The following PPP4R3A variants were observed in gnomAD, a reference collection of about 807,000 sequenced individuals.
The protein encoded by PPP4R3A is protein phosphatase 4 regulatory subunit 3A.
PPP4R3A carries 15 observed loss-of-function variants against 91.7 expected under a neutral mutation model. That is an observed-to-expected ratio of 0.16 (90% CI 0.11 to 0.25). PPP4R3A has a LOEUF of 0.25. PPP4R3A is among the 10% of genes least tolerant of loss of function. The pLI is 1.00. For missense variants in PPP4R3A, 623 were observed against 998.4 expected, an observed-to-expected ratio of 0.62 and a Z score of 5.07; for synonymous variants, 377 against 348.7, an observed-to-expected ratio of 1.08 and a Z score of -0.91.
chr14:91,507,700 TACG>T (rs751510358), intron 1 of PPP4R3A, among the ~76,000 whole-genome samples: 6 of 58,636 alleles, frequency 1.0e-4, no homozygotes, highest in Admixed American at 1.9e-4. Context: ...CTTCTGATAG[TACG>T]ACATTAAACT....
At chr14:91,490,251 T>C (rs1890160326) in intron 2 of PPP4R3A, among the ~76,000 whole-genome samples, 3 of 152,248 alleles carry the variant, frequency 2.0e-5, no homozygotes. Flanking sequence ...TTTAAGAAAG[T>C]GTATTTTGAG....
intron 9 of PPP4R3A, among the ~76,000 whole-genome samples, chr14:91,471,329 G>A (rs1888817546): frequency 6.6e-6 from 1 of 152,108 alleles, no homozygotes; most frequent in African/African-American, 2.4e-5. Flanking sequence ...CCTCTACCAG[G>A]TACCTTAGCA....
At chr14:91,459,759 TG>T (rs1446857789) in intron 14 of PPP4R3A, among the ~76,000 whole-genome samples, 2 of 151,238 alleles carry the variant, frequency 1.3e-5, no homozygotes, top group African/African-American at 2.4e-5. Flanking sequence ...CGCTTTAATC[TG>T]GAAGGTGGAG....
In PPP4R3A at chr14:91,510,017, G is replaced by GCGC. The variant is rs942046906; in HGVS notation, c.-373_-371dup. On this transcript the variant is annotated 5_prime_UTR_variant, in exon 1 of 15. Transcript: ENST00000554943. ...CATGATCTCCGCGAAGCAGCTTCCC[G>GCGC]CGCCGCCGCCGCCTCCTCAGGCCGC... 2.7e-5 allele frequency: 25 copies of GCGC among 930,140 alleles called. No homozygotes were observed. Among genetic ancestry groups the GCGC allele is most frequent in the South Asian group, 9.4e-5 (2 of 21,318 alleles). 57.6% of individuals were successfully genotyped at this position (930,140 alleles called of 1,614,324 possible).
Position 91,476,893 on chromosome 14 carries a change from G to T in PPP4R3A, c.993+16C>A. 5 of 1,571,016 alleles carry T rather than the reference G, an allele frequency of 3.2e-6. No individual in the cohort carries two copies. Among genetic ancestry groups the T allele is most frequent in the Non-Finnish European group, 4.3e-6 (5 of 1,154,962 alleles). On this transcript the variant is annotated intron_variant, in intron 5 of 14. Coordinates refer to ENST00000554943, the MANE Select transcript of PPP4R3A (RefSeq NM_001366432.2). Reference sequence around the variant, plus strand: ...TTGTTTTATTTTTATGCCTTTCATAGTATCTAATTTCTTACCAATTCCTGT... The same window carrying T: ...TTGTTTTATTTTTATGCCTTTCATATTATCTAATTTCTTACCAATTCCTGT...
At chr14:91,486,905 CAAA>C (rs769201002) in intron 2 of PPP4R3A, among the ~76,000 whole-genome samples, 3 of 86,906 alleles carry the variant, frequency 3.5e-5, no homozygotes, top group Admixed American at 1.3e-4. Flanking sequence ...ACTCTGTCTC[CAAA>C]AAAAAAAAAA....
At chr14:91,490,881 CT>C in intron 1 of PPP4R3A, 79 bp from the exon 2 acceptor site, 1 of 608,298 alleles carries the variant, frequency 1.6e-6, no homozygotes, top group Non-Finnish European at 2.5e-6. Context: ...CACATATTTC[CT>C]TAAAAAAAAT....
chr14:91,472,104 A>C (rs1371023269), intron 9 of PPP4R3A, among the ~76,000 whole-genome samples: 1 of 151,818 alleles, frequency 6.6e-6, no homozygotes, highest in African/African-American at 2.4e-5. Context: ...ATGACAAAAT[A>C]ATGTATTTAC....
chr14:91,488,173 A>G (rs1297250156), intron 2 of PPP4R3A, among the ~76,000 whole-genome samples: 1 of 151,336 alleles, frequency 6.6e-6, no homozygotes, highest in Non-Finnish European at 1.5e-5. Flanking sequence ...ACTGTACTCC[A>G]GCCTGAGCAA....
chr14:91,500,789 AGGTG>A (rs1890899125), intron 1 of PPP4R3A, among the ~76,000 whole-genome samples: 1 of 152,206 alleles, frequency 6.6e-6, no homozygotes, highest in South Asian at 2.1e-4. Context: ...TGGAAAGCTG[AGGTG>A]GGTGGATCAC....
Position 91,509,163 on chromosome 14 carries a change from G to C in PPP4R3A, c.142+343C>G, listed in dbSNP as rs79335133. 6.8e-3 allele frequency among the ~76,000 whole-genome samples: 1,035 copies of C among 152,310 alleles called. 8 individuals are homozygous for C. The highest frequency in any genetic ancestry group is 0.011 in the Non-Finnish European group (717 of 68,034). ...CTAAGGCAGCAGATCGGATTAATCA[G>C]TGTCTTTCTCAAGGTCACTCTAGTG... On this transcript the variant is annotated intron_variant, in intron 1 of 14. Coordinates refer to ENST00000554943, the MANE Select transcript of PPP4R3A (RefSeq NM_001366432.2).
rs1287028931 is a variant in PPP4R3A, at chr14:91,481,866, C to T, written c.625G>A (p.Glu209Lys). The T allele has an allele frequency of 6.2e-7, 1 of 1,614,042 alleles. No homozygotes were observed. The highest frequency in any genetic ancestry group is 8.5e-7 in the Non-Finnish European group (1 of 1,180,014). Residue 209 changes from glutamate (E) to lysine (K), a missense_variant, in exon 4 of 15, where the codon GAA becomes AAA. Around this residue, in one of 5 missense-constraint regions of PPP4R3A, gnomAD observed 264 missense variants for 377.3 expected, o/e 0.70. Coordinates refer to ENST00000554943, the MANE Select transcript of PPP4R3A (RefSeq NM_001366432.2). ...ATACATTCTTCAGAGAACATAACTT[C>T]AAAAAGAGCAGTTCGATTCAAGAGA... ...IFLLNRTALF[E>K]VMFSEECIMD...
chr14:91,472,366 A>G, intron 9 of PPP4R3A, among the ~76,000 whole-genome samples: 1 of 152,036 alleles, frequency 6.6e-6, no homozygotes, highest in East Asian at 1.9e-4. Context: ...ACCAGTGTAG[A>G]TGCAAACTGA....
chr14:91,498,917 C>CAAAA (rs530802333), intron 1 of PPP4R3A, among the ~76,000 whole-genome samples: 6 of 91,316 alleles, frequency 6.6e-5, no homozygotes, highest in Non-Finnish European at 1.1e-4. Flanking sequence ...GACTCCAACT[C>CAAAA]AAAAAAAAAA....
intron 2 of PPP4R3A, among the ~76,000 whole-genome samples, chr14:91,489,420 T>C (rs1890100103): frequency 6.6e-6 from 1 of 152,204 alleles, no homozygotes; most frequent in Non-Finnish European, 1.5e-5. Flanking sequence ...GATGCTTAAG[T>C]CAGGGTATAG....
intron 14 of PPP4R3A, among the ~76,000 whole-genome samples, chr14:91,460,387 G>A (rs930417093): frequency 3.3e-5 from 5 of 151,580 alleles, no homozygotes; most frequent in African/African-American, 7.3e-5. Context: ...TCATTTCAGC[G>A]TGTCTCAGAT....
chr14:91,487,142 T>C (rs756722344), intron 2 of PPP4R3A, among the ~76,000 whole-genome samples: 1 of 145,192 alleles, frequency 6.9e-6, no homozygotes, highest in Non-Finnish European at 1.5e-5. Context: ...CCCAGCTACA[T>C]GGGAGGCTGA....
chr14:91,500,348 A>G (rs1463892928), intron 1 of PPP4R3A, among the ~76,000 whole-genome samples: 9 of 152,188 alleles, frequency 5.9e-5, no homozygotes, highest in East Asian at 1.9e-4. Flanking sequence ...CTACAGGCGC[A>G]CACCACCACG....
chr14:91,470,774 A>C, intron 10 of PPP4R3A, 63 bp downstream of exon 10: 1 of 1,557,318 alleles, frequency 6.4e-7, no homozygotes, highest in Non-Finnish European at 8.7e-7. Flanking sequence ...TCATTTGGGC[A>C]ATAAGATGTA....
Sources: gnomAD v4.1 joint callset for allele counts (sites outside exome capture counted in the v4.1 genomes callset) on GRCh38, gnomAD v4.1.1 for gene constraint, gnomAD v4.1.1 regional missense constraint, MANE v1.5 for transcripts, NCBI Gene and HGNC (gene_info 2026-07-23, HGNC 2026-07-21) for gene names.